Variants in SIPA1L2 observed in about 807,000 individuals in gnomAD.
SIPA1L2 encodes the protein signal-induced proliferation-associated 1-like protein 2.
In SIPA1L2, 56 loss-of-function variants were observed where a neutral mutation model predicts 163.9. The observed-to-expected ratio is 0.34, with a 90% CI of 0.28 to 0.43. SIPA1L2 has a LOEUF of 0.43. SIPA1L2 is among the 20% of genes least tolerant of loss of function. The pLI, the probability that SIPA1L2 is intolerant of heterozygous loss-of-function variation, is 1.00. For synonymous variants in SIPA1L2, 877 were observed against 865.7 expected, an observed-to-expected ratio of 1.01 and a Z score of -0.23; for missense variants, 1,974 against 2,193.5, an observed-to-expected ratio of 0.90 and a Z score of 2.00.
intron 1 of SIPA1L2, among the ~76,000 whole-genome samples, chr1:232,598,977 A>AAC (rs1553321272): frequency 2.0e-5 from 3 of 149,072 alleles, no homozygotes; most frequent in Non-Finnish European, 4.4e-5. Flanking sequence ...AAAAAAAAAA[A>AAC]AAAAAACTTC....
intron 18 of SIPA1L2, among the ~76,000 whole-genome samples, chr1:232,417,739 A>C (rs1024468230): frequency 6.6e-6 from 1 of 152,238 alleles, no homozygotes; most frequent in Non-Finnish European, 1.5e-5. Context: ...CTCTCTCTGC[A>C]ACTCATATGC....
chr1:232,543,653 G>A (rs1657829208), intron 2 of SIPA1L2, among the ~76,000 whole-genome samples: 2 of 152,312 alleles, frequency 1.3e-5, no homozygotes, highest in Admixed American at 1.3e-4. Flanking sequence ...AGGACAGCCT[G>A]AGGCCAGGAG....
At chr1:232,447,507 T>C (rs1663287821) in intron 10 of SIPA1L2, among the ~76,000 whole-genome samples, 1 of 152,254 alleles carries the variant, frequency 6.6e-6, no homozygotes, top group Non-Finnish European at 1.5e-5. Context: ...AAAAGGTGTG[T>C]GCTCTGCACA....
intron 2 of SIPA1L2, among the ~76,000 whole-genome samples, chr1:232,544,334 G>GGT (rs1657890143): frequency 6.6e-6 from 1 of 152,146 alleles, no homozygotes; most frequent in South Asian, 2.1e-4. Flanking sequence ...GACCAAGTCG[G>GGT]GTGGATCACA....
intron 6 of SIPA1L2, among the ~76,000 whole-genome samples, chr1:232,480,449 C>A (rs186257177): frequency 1.4e-3 from 212 of 152,048 alleles, no homozygotes; most frequent in African/African-American, 4.2e-3. Flanking sequence ...ACATTTGAAC[C>A]CCTATTAATC....
rs1325268392 is a variant in SIPA1L2 at position 232,483,942 on chromosome 1, T to A, written c.1831A>T (p.Ile611Phe). Reference sequence around the variant, plus strand: ...CTCTGGCCTGCTTTGCAATAAAGGATCCCGATCTTGTGCTGAAAGCTCAGC... The same window carrying A: ...CTCTGGCCTGCTTTGCAATAAAGGAACCCGATCTTGTGCTGAAAGCTCAGC... ...QGLSFQHKIG[I>F]LYCKAGQSTE... is the part of the protein sequence containing the mutation. The change falls in exon 6 of 23, where the codon ATC (isoleucine) becomes TTC (phenylalanine). Residue 611 changes from isoleucine to phenylalanine, a missense_variant. Transcript: ENST00000674635. 6.2e-7 allele frequency: 1 copy of A among 1,612,246 alleles called. No individual in the cohort carries two copies. The highest frequency in any genetic ancestry group is 1.7e-5 in the Admixed American group (1 of 59,580).
At chr1:232,443,324 C>T (rs1663015628) in intron 12 of SIPA1L2, among the ~76,000 whole-genome samples, 2 of 152,210 alleles carry the variant, frequency 1.3e-5, no homozygotes, top group Non-Finnish European at 2.9e-5. Context: ...CAATTTAAGT[C>T]AGGAGGCAAC....
intron 9 of SIPA1L2, among the ~76,000 whole-genome samples, chr1:232,463,936 G>T (rs1397596872): frequency 6.6e-6 from 1 of 151,986 alleles, no homozygotes; most frequent in East Asian, 1.9e-4. Context: ...CTTATACATG[G>T]TCTCTAATAA....
intron 18 of SIPA1L2, among the ~76,000 whole-genome samples, chr1:232,416,422 G>T (rs1661268220): frequency 6.6e-6 from 1 of 152,198 alleles, no homozygotes; most frequent in African/African-American, 2.4e-5. Context: ...GTACACTATT[G>T]TAATTTCGCG....
chr1:232,497,668 C>G lies in SIPA1L2; in HGVS notation c.1484-4008G>C, dbSNP rs1666267214. ...ACTTCTTGGCTGGGGCCCTCTACTC[C>G]TCCACTACTATGGCATCTCCCTTCC... On this transcript the variant is annotated intron_variant, in intron 3 of 22. Transcript: ENST00000674635. Among the ~76,000 whole-genome samples the G allele has an allele frequency of 2.6e-5, 4 of 152,180 alleles. 1 individual carries two copies. The South Asian group carries it at 8.3e-4, about 32-fold the overall frequency.
chr1:232,435,435 C>G (rs1662499185), intron 15 of SIPA1L2, among the ~76,000 whole-genome samples: 1 of 152,192 alleles, frequency 6.6e-6, no homozygotes, highest in South Asian at 2.1e-4. Flanking sequence ...GAAGTGTTCT[C>G]TGATGCTGAT....
chr1:232,574,604 T>C (rs529850890), intron 1 of SIPA1L2, among the ~76,000 whole-genome samples: 1 of 152,338 alleles, frequency 6.6e-6, no homozygotes, highest in South Asian at 2.1e-4. Context: ...GTTATTACCA[T>C]CATTCTTAAT....
chr1:232,538,896 A>G (rs901870593), intron 2 of SIPA1L2, among the ~76,000 whole-genome samples: 5 of 152,358 alleles, frequency 3.3e-5, no homozygotes, highest in African/African-American at 9.6e-5. Flanking sequence ...GCAAGCGTAT[A>G]TAGAATATCA....
At position 232,402,411 on chromosome 1, in the gene SIPA1L2, A is replaced by T; in HGVS notation, c.5003T>A (p.Leu1668His). 2.5e-6 allele frequency: 4 copies of T among 1,613,490 alleles called. No individual in the cohort carries two copies. The highest frequency in any genetic ancestry group is 3.4e-6 in the Non-Finnish European group (4 of 1,179,514). The change falls in exon 22 of 23, where the codon CTC (leucine) becomes CAC (histidine). Residue 1668 changes from leucine (L) to histidine (H), a missense_variant. Transcript: ENST00000674635. Reference protein sequence around the residue: ...VNQLELILRQLQTDLRKEKQD... With the variant: ...VNQLELILRQHQTDLRKEKQD... ...GATTACCTTCCGAAGGTCGGTCTGG[A>T]GTTGTCGAAGAATTAATTCCAGCTG...
chr1:232,399,290 T>G lies in SIPA1L2; in HGVS notation c.5023-17A>C. 5 of 1,611,534 alleles carry G rather than the reference T, an allele frequency of 3.1e-6. No individual in the cohort carries two copies. Among genetic ancestry groups the G allele is most frequent in the Non-Finnish European group, 3.4e-6 (4 of 1,179,406 alleles). On this transcript the variant is annotated splice_polypyrimidine_tract_variant and intron_variant, in intron 22 of 22. Coordinates refer to ENST00000674635, the MANE Select transcript of SIPA1L2 (RefSeq NM_020808.5). ...TTGTTTTTCCTGGTCAGAGCAGAAA[T>G]AAACTGAGTCATGGAGACTGATCGA... is the stretch of plus-strand genomic sequence containing the variant.
chr1:232,416,027 T>C (rs1286446356), intron 18 of SIPA1L2, among the ~76,000 whole-genome samples: 2 of 74,798 alleles, frequency 2.7e-5, no homozygotes, highest in African/African-American at 7.6e-5. Context: ...CCTCCCAGAG[T>C]CAGTCAGTCA....
rs1663211323 is a variant in SIPA1L2, at chr1:232,446,232, T to C, written c.3096-446A>G. Among the ~76,000 whole-genome samples the C allele has an allele frequency of 3.9e-5, 6 of 152,352 alleles. No individual in the cohort carries two copies. In the South Asian group the frequency reaches 1.2e-3, roughly 32 times the overall value. On this transcript the variant is annotated intron_variant, in intron 10 of 22. Coordinates refer to ENST00000674635, the MANE Select transcript of SIPA1L2 (RefSeq NM_020808.5). ...AGGTTAAATATTTTAAATATATTTC[T>C]GGAGATAACAAGTACTATCTCCGGT...
At chr1:232,562,606 C>T (rs1170943582) in intron 2 of SIPA1L2, among the ~76,000 whole-genome samples, 1 of 152,150 alleles carries the variant, frequency 6.6e-6, no homozygotes, top group Non-Finnish European at 1.5e-5. Context: ...AATACTTTTT[C>T]ACCATAATGT....
At position 232,441,770 on chromosome 1, in the gene SIPA1L2, G is replaced by A. The variant is rs770191340; in HGVS notation, c.3536C>T (p.Pro1179Leu). 22 of 1,613,372 alleles carry A rather than the reference G, an allele frequency of 1.4e-5. No homozygotes were observed. In the Admixed American group the frequency reaches 2.8e-4, roughly 21 times the overall value. ...AATTTCCAGGAGTTCCTTATTACCC[G>A]GGTGCCTGCTTGCTTCCATGGTGTC... ...REDTMEASRH[P>L]ETKWHGPPSK... is the part of the protein sequence containing the mutation. Residue 1179 changes from proline (P) to leucine (L), a missense_variant and splice_region_variant, in exon 13 of 23, where the codon CCG (proline) becomes CTG (leucine). Physicochemically the swap from Pro to Leu is moderately conservative, Grantham distance 98. This residue lies in a region of SIPA1L2 where 1,079 missense variants were observed against 1,150.7 expected (regional missense o/e 0.94). Coordinates refer to ENST00000674635, the MANE Select transcript of SIPA1L2 (RefSeq NM_020808.5).
Sources: gnomAD v4.1 joint callset for allele counts (sites outside exome capture counted in the v4.1 genomes callset) on GRCh38, gnomAD v4.1.1 for gene constraint, gnomAD v4.1.1 regional missense constraint, MANE v1.5 for transcripts, NCBI Gene and HGNC (gene_info 2026-07-23, HGNC 2026-07-21) for gene names.